Variants in STK10 observed in about 807,000 individuals in gnomAD.
STK10 encodes the protein serine/threonine kinase 10.
Under a neutral mutation model 113.8 loss-of-function variants are expected in STK10, and 78 were observed. That is an observed-to-expected ratio of 0.69 (90% confidence interval 0.57 to 0.83). The LOEUF (loss-of-function observed/expected upper bound fraction) is 0.83. Among genes scored for constraint, STK10 ranks in the 40% least tolerant of loss-of-function variants. The probability of loss-of-function intolerance (pLI) is 0.00; values close to 1 mark genes in which losing one functional copy is unlikely to be tolerated. For synonymous variants in STK10, 465 were observed against 494.7 expected (o/e 0.94, Z 0.80); for missense variants, 1,109 against 1,280.1 (o/e 0.87, Z 2.04).
intron 4 of STK10, among the ~76,000 whole-genome samples, chr5:172,114,217 G>C (rs1006858396): frequency 3.3e-5 from 5 of 151,506 alleles, no homozygotes; most frequent in African/African-American, 1.2e-4. Flanking sequence ...TATTCTGGCA[G>C]GATTAGGAAG....
chr5:172,162,782 C>T (rs906032471), intron 1 of STK10, among the ~76,000 whole-genome samples: 15 of 152,288 alleles, frequency 9.8e-5, no homozygotes, highest in African/African-American at 3.1e-4. Flanking sequence ...CAAAGAAGGC[C>T]GCATGTCACC....
chr5:172,056,937 A>AAG (rs1767792055), intron 15 of STK10: 1 of 70,508 alleles, frequency 1.4e-5, no homozygotes, highest in East Asian at 3.3e-4. Flanking sequence ...AAGGAAAGAA[A>AAG]AGAAAGAAAG....
intron 2 of STK10, among the ~76,000 whole-genome samples, chr5:172,150,614 A>G (rs1014875607): frequency 1.3e-5 from 2 of 152,116 alleles, no homozygotes; most frequent in African/African-American, 4.8e-5. Context: ...TTCTCTTTAC[A>G]GTTTTGGCTG....
At chr5:172,089,992 G>C (rs1200771512) in intron 10 of STK10, among the ~76,000 whole-genome samples, 1 of 152,092 alleles carries the variant, frequency 6.6e-6, no homozygotes, top group Non-Finnish European at 1.5e-5. Context: ...TAGATGAATA[G>C]GTAGATAGGT....
chr5:172,106,542 C>A, intron 6 of STK10, 78 bp downstream of exon 6: 2 of 1,453,588 alleles, frequency 1.4e-6, no homozygotes, highest in East Asian at 2.5e-5. Context: ...CTGCACCTCC[C>A]CAGCCCCGTC....
At chr5:172,169,679 C>T (rs1241244125) in intron 1 of STK10, among the ~76,000 whole-genome samples, 2 of 152,292 alleles carry the variant, frequency 1.3e-5, no homozygotes, top group East Asian at 1.9e-4. Flanking sequence ...CCAAAAGGCA[C>T]TTGAGCCCAC....
chr5:172,077,750 GT>G (rs35528776), intron 12 of STK10, among the ~76,000 whole-genome samples: 3,694 of 146,270 alleles, frequency 0.025, 153 homozygotes, highest in African/African-American at 0.078. Context: ...AATCTTATTG[GT>G]TTTTTTTTTT....
Position 172,107,757 on chromosome 5 carries a change from T to C in STK10, c.593+23A>G, listed in dbSNP as rs142970702. 511 of 1,612,818 alleles carry C rather than the reference T, an allele frequency of 3.2e-4. 1 individual carries two copies. In the African/African-American group the frequency reaches 5.8e-3, roughly 18 times the overall value. On this transcript the variant is annotated intron_variant, in intron 5 of 18. Coordinates refer to ENST00000176763, the MANE Select transcript of STK10 (RefSeq NM_005990.4). The stretch of plus-strand genomic sequence containing the variant: ...GAGTTTTTACATCCAGTCCATTCCA[T>C]TTCCAGAAGCTACACGACTCACCAG...
intron 16 of STK10, among the ~76,000 whole-genome samples, chr5:172,054,980 C>T (rs967148671): frequency 2.1e-4 from 32 of 152,126 alleles, no homozygotes; most frequent in African/African-American, 6.0e-4. Flanking sequence ...CCCGTGTGCC[C>T]GAGCCACAAG....
chr5:172,078,347 G>A (rs1357145445), intron 12 of STK10, among the ~76,000 whole-genome samples: 4 of 152,132 alleles, frequency 2.6e-5, no homozygotes, highest in Non-Finnish European at 5.9e-5. Context: ...AACGGTGTGA[G>A]CCCTGTCCTC....
chr5:172,154,807 T>C (rs955196842), intron 2 of STK10, among the ~76,000 whole-genome samples: 3 of 152,226 alleles, frequency 2.0e-5, no homozygotes, highest in African/African-American at 7.2e-5. Flanking sequence ...GCAGCTCACA[T>C]AGCTTTTTTG....
chr5:172,048,559 C>T (rs571132754), intron 18 of STK10, among the ~76,000 whole-genome samples: 5 of 152,102 alleles, frequency 3.3e-5, no homozygotes, highest in South Asian at 2.1e-4. Flanking sequence ...CCAGCAAGAA[C>T]GTCTAGAGTG....
intron 1 of STK10, among the ~76,000 whole-genome samples, chr5:172,160,982 G>A (rs767662068): frequency 1.3e-5 from 2 of 152,098 alleles, no homozygotes; most frequent in African/African-American, 4.8e-5. Flanking sequence ...AGCACTACTG[G>A]GCCAGCCCTG....
intron 1 of STK10, among the ~76,000 whole-genome samples, chr5:172,180,696 C>T (rs1770840379): frequency 6.6e-6 from 1 of 151,890 alleles, no homozygotes; most frequent in Non-Finnish European, 1.5e-5. Flanking sequence ...GTAATCCCAG[C>T]TACTCAGGAG....
intron 10 of STK10, among the ~76,000 whole-genome samples, chr5:172,088,374 A>C (rs1768617711): frequency 6.6e-6 from 1 of 152,060 alleles, no homozygotes; most frequent in South Asian, 2.1e-4. Flanking sequence ...AAATACAAAA[A>C]TTAGCCGGGC....
chr5:172,102,556 G>A (rs922654794), intron 7 of STK10, among the ~76,000 whole-genome samples: 1 of 152,154 alleles, frequency 6.6e-6, no homozygotes, highest in Non-Finnish European at 1.5e-5. Flanking sequence ...GGGCAAAGGG[G>A]GGCGAGCAAA....
intron 1 of STK10, among the ~76,000 whole-genome samples, chr5:172,169,952 G>GTGAC (rs1314823794): frequency 6.6e-6 from 1 of 152,106 alleles, no homozygotes; most frequent in Non-Finnish European, 1.5e-5. Context: ...AACAATTTCA[G>GTGAC]TGACGCACGG....
rs149728696 is a variant in STK10 at position 172,082,920 on chromosome 5, G to A, written c.1809+41C>T. On this transcript the variant is annotated intron_variant, in intron 11 of 18. Transcript: ENST00000176763. This position sits in a 1 kb window ranked among gnomAD's most constrained non-coding sequence, Gnocchi z 4.3. ...AGCTTCCACTGAGAGAACACCTGGA[G>A]GCAAGAAGCCCTGCAGGGTCCCATC... 6.7e-5 allele frequency: 108 copies of A among 1,606,202 alleles called. No homozygotes were observed. In the African/African-American group the frequency reaches 8.3e-4, roughly 12 times the overall value.
chr5:172,127,399 C>T lies in STK10; in HGVS notation c.344G>A (p.Gly115Glu). 1 of 1,613,858 alleles carries T rather than the reference C, an allele frequency of 6.2e-7. No individual in the cohort carries two copies. The highest frequency in any genetic ancestry group is 1.1e-5 in the South Asian group (1 of 91,072). ...CAGCATGATGGCGTCCACGGCTCCCCCTGGACAGAACTCAATCATGATCTG... is the reference window on the plus strand; with the variant it reads ...CAGCATGATGGCGTCCACGGCTCCCTCTGGACAGAACTCAATCATGATCTG... ...KLWIMIEFCP[G>E]GAVDAIMLEL... Residue 115 changes from glycine to glutamate, a missense_variant, in exon 3 of 19, where the codon GGG becomes GAG. This residue lies in a region of STK10 where 120 missense variants were observed against 134.8 expected (regional missense o/e 0.89). Transcript: ENST00000176763.
Sources: gnomAD v4.1 joint callset for allele counts (sites outside exome capture counted in the v4.1 genomes callset) on GRCh38, gnomAD v4.1.1 for gene constraint, gnomAD v4.1.1 regional missense constraint, Gnocchi (gnomAD v3.1) non-coding constraint, MANE v1.5 for transcripts, NCBI Gene and HGNC (gene_info 2026-07-23, HGNC 2026-07-21) for gene names.